The following PDE4D variants were observed in gnomAD, a reference collection of about 807,000 sequenced individuals.
PDE4D encodes phosphodiesterase 4D.
In PDE4D, 24 loss-of-function variants were observed where a neutral mutation model predicts 87.4. The ratio of observed to expected loss-of-function variants is 0.27; its 90% CI spans 0.20 to 0.39. PDE4D has a LOEUF of 0.39. Ranked by LOEUF, PDE4D falls within the 10% of genes least tolerant of loss-of-function variation. The pLI, the probability that PDE4D is intolerant of heterozygous loss-of-function variation, is 1.00. For missense variants in PDE4D, 714 were observed against 1,041.0 expected (o/e 0.69, Z 4.32); for synonymous variants, 384 against 383.2 (o/e 1.00, Z -0.02).
intron 1 of PDE4D, among the ~76,000 whole-genome samples, chr5:60,468,137 C>CTTTTTTTT (rs570783072): frequency 0.11 from 15,033 of 140,652 alleles, 1,066 homozygotes; most frequent in East Asian, 0.33. Context: ...TTTCTTTTTT[C>CTTTTTTTT]TTTTTTTTTT....
At chr5:60,104,339 C>G (rs548720332) in intron 2 of PDE4D, among the ~76,000 whole-genome samples, 23 of 152,328 alleles carry the variant, frequency 1.5e-4, no homozygotes, top group Admixed American at 7.8e-4. Flanking sequence ...GGCTTGCTTA[C>G]GTAAACAAAG....
intron 1 of PDE4D, among the ~76,000 whole-genome samples, chr5:59,726,484 C>T (rs6867108): frequency 0.08 from 12,182 of 152,014 alleles, 723 homozygotes; most frequent in African/African-American, 0.17. Flanking sequence ...AGAGAGCTTG[C>T]TCTTTCTCCA....
intron 1 of PDE4D, among the ~76,000 whole-genome samples, chr5:59,239,817 G>A (rs1003605362): frequency 2.0e-5 from 3 of 152,120 alleles, no homozygotes; most frequent in African/African-American, 7.2e-5. Context: ...GGGACCTTAA[G>A]CAAAGCTTCT....
At chr5:60,384,594 C>T (rs1762078563) in intron 1 of PDE4D, among the ~76,000 whole-genome samples, 1 of 152,148 alleles carries the variant, frequency 6.6e-6, no homozygotes, top group Non-Finnish European at 1.5e-5. Flanking sequence ...CTCCCCTGGC[C>T]CTTGCCTGGT....
intron 6 of PDE4D, among the ~76,000 whole-genome samples, chr5:58,996,700 T>C (rs1235085619): frequency 6.6e-6 from 1 of 152,200 alleles, no homozygotes; most frequent in Non-Finnish European, 1.5e-5. Context: ...AAAGAGAACA[T>C]GTGGATGCTA....
At chr5:59,167,149 G>A (rs112892188) in intron 5 of PDE4D, among the ~76,000 whole-genome samples, 1 of 152,078 alleles carries the variant, frequency 6.6e-6, no homozygotes, top group African/African-American at 2.4e-5. Context: ...TAACAGAAAA[G>A]ATCTAACACA....
intron 1 of PDE4D, among the ~76,000 whole-genome samples, chr5:59,637,897 T>A (rs1434561466): frequency 2.6e-5 from 4 of 152,204 alleles, no homozygotes; most frequent in Non-Finnish European, 5.9e-5. Context: ...TAAGGTACTA[T>A]TCTGCTCTTC....
At chr5:59,598,140 G>A (rs751689045) in intron 1 of PDE4D, among the ~76,000 whole-genome samples, 1 of 152,122 alleles carries the variant, frequency 6.6e-6, no homozygotes, top group Non-Finnish European at 1.5e-5. Context: ...TGAAATGTGG[G>A]AAATAATTCA....
intron 1 of PDE4D, among the ~76,000 whole-genome samples, chr5:60,207,397 A>G (rs984169568): frequency 1.3e-5 from 2 of 152,230 alleles, no homozygotes; most frequent in Non-Finnish European, 2.9e-5. Context: ...GGAGAATGGC[A>G]TGGCAGGGCC....
intron 1 of PDE4D, among the ~76,000 whole-genome samples, chr5:59,819,228 T>C (rs1056057803): frequency 1.3e-5 from 2 of 152,224 alleles, no homozygotes; most frequent in African/African-American, 4.8e-5. Context: ...TGCCAGACTG[T>C]AAGTTTCCTA....
chr5:60,299,959 T>G (rs922411831), intron 1 of PDE4D, among the ~76,000 whole-genome samples: 2 of 152,210 alleles, frequency 1.3e-5, no homozygotes, highest in African/African-American at 2.4e-5. Flanking sequence ...CCTCAAGGTC[T>G]TTGAGGAATC....
At chr5:59,477,398 CT>C (rs1223614268) in intron 1 of PDE4D, among the ~76,000 whole-genome samples, 1 of 145,878 alleles carries the variant, frequency 6.9e-6, no homozygotes, top group Non-Finnish European at 1.5e-5. Flanking sequence ...ACAAAATATG[CT>C]TACTTATATA....
chr5:59,030,615 G>A (rs1161602219), intron 6 of PDE4D, among the ~76,000 whole-genome samples: 1 of 151,702 alleles, frequency 6.6e-6, no homozygotes, highest in Non-Finnish European at 1.5e-5. Context: ...CACACCTGTA[G>A]TCCTGGCTAC....
chr5:59,079,486 C>A (rs1766292159), intron 5 of PDE4D, among the ~76,000 whole-genome samples: 1 of 152,010 alleles, frequency 6.6e-6, no homozygotes, highest in African/African-American at 2.4e-5. Flanking sequence ...ACCTCTTACT[C>A]TACAAAATTT....
At chr5:59,870,108 A>ATTGCTGGAAT (rs2152736053) in intron 1 of PDE4D, among the ~76,000 whole-genome samples, 1 of 152,352 alleles carries the variant, frequency 6.6e-6, no homozygotes, top group Non-Finnish European at 1.5e-5. Context: ...GGTAAAAAAC[A>ATTGCTGGAAT]TTGCTGGAAT....
At chr5:60,231,369 T>C (rs1214443868) in intron 1 of PDE4D, among the ~76,000 whole-genome samples, 1 of 151,924 alleles carries the variant, frequency 6.6e-6, no homozygotes, top group African/African-American at 2.4e-5. Flanking sequence ...CAATAAGATA[T>C]AAACTTTGTG....
intron 3 of PDE4D, among the ~76,000 whole-genome samples, chr5:59,976,215 T>A (rs1761314822): frequency 6.6e-6 from 1 of 152,184 alleles, no homozygotes; most frequent in African/African-American, 2.4e-5. Context: ...ATTTTATTGT[T>A]TTTAATTCTG....
intron 5 of PDE4D, chr5:59,040,023 C>G (rs1222994318): frequency 6.6e-6 from 1 of 152,430 alleles, no homozygotes; most frequent in African/African-American, 2.4e-5. Flanking sequence ...CCGCTGGAGC[C>G]TCTGCGACTC....
At chr5:60,103,925 T>C (rs779555508) in intron 2 of PDE4D, among the ~76,000 whole-genome samples, 2 of 152,044 alleles carry the variant, frequency 1.3e-5, no homozygotes, top group Non-Finnish European at 2.9e-5. Flanking sequence ...GCTCCCAGCA[T>C]GAGCGACGCA....
Sources: gnomAD v4.1 joint callset for allele counts (sites outside exome capture counted in the v4.1 genomes callset) on GRCh38, gnomAD v4.1.1 for gene constraint, MANE v1.5 for transcripts, NCBI Gene and HGNC (gene_info 2026-07-23, HGNC 2026-07-21) for gene names.